GNB1L: variants seen among roughly 807,000 people sequenced by gnomAD.
The protein encoded by GNB1L is guanine nucleotide-binding protein subunit beta-like protein 1.
GNB1L carries 20 observed loss-of-function variants against 29.1 expected under a neutral mutation model. The ratio of observed to expected loss-of-function variants is 0.69; its 90% CI spans 0.48 to 1.00. The LOEUF is 1.00. GNB1L is among the 50% of genes least tolerant of loss of function. The pLI, the probability that GNB1L is intolerant of heterozygous loss-of-function variation, is 0.00. For synonymous variants in GNB1L, 193 were observed against 206.5 expected (o/e 0.93, Z 0.56); for missense variants, 421 against 464.9 (o/e 0.91, Z 0.87).
intron 2 of GNB1L, among the ~76,000 whole-genome samples, chr22:19,836,575 T>A (rs1937767864): frequency 6.6e-6 from 1 of 152,154 alleles, no homozygotes. Flanking sequence ...ACAAAGTTAG[T>A]AGAAAGAGAA....
At chr22:19,838,801 C>T (rs565286000) in intron 2 of GNB1L, among the ~76,000 whole-genome samples, 104 of 152,288 alleles carry the variant, frequency 6.8e-4, no homozygotes, top group African/African-American at 2.5e-3. Context: ...TGTTGCCCAA[C>T]AATTCTACTC....
chr22:19,845,581 T>C (rs1284771490), intron 2 of GNB1L, among the ~76,000 whole-genome samples: 3 of 152,048 alleles, frequency 2.0e-5, no homozygotes, highest in Admixed American at 6.5e-5. Flanking sequence ...CTGGGGGTGG[T>C]TCCTGAGGCC....
chr22:19,807,562 GCATGTTTTA>G (rs1481548395), intron 5 of GNB1L, among the ~76,000 whole-genome samples: 1 of 152,182 alleles, frequency 6.6e-6, no homozygotes, highest in African/African-American at 2.4e-5. Context: ...CCTTCCTGGT[GCATGTTTTA>G]CATAGGAACC....
Position 19,820,848 on chromosome 22 carries a change from C to G in GNB1L, c.129-125G>C, listed in dbSNP as rs1243966402. 4.3e-6 allele frequency: 5 copies of G among 1,167,566 alleles called. No individual in the cohort carries two copies. The Admixed American group carries it at 9.1e-5, about 21-fold the overall frequency. The allele number at this position is 1,167,566 out of a possible 1,614,324, so 72.3% of individuals were successfully genotyped here. A position where few individuals can be genotyped will look rare whatever the true frequency, so the allele number is the denominator to read the frequency against. On this transcript the variant is annotated intron_variant, in intron 3 of 7. Transcript: ENST00000329517. ...GCTGGTTGAGCTGAAAAGCCAACAG[C>G]TCTAAATATGAACTAAGGGCCAAAC...
At chr22:19,821,987 C>A (rs75458623) in intron 2 of GNB1L, among the ~76,000 whole-genome samples, 24 of 152,198 alleles carry the variant, frequency 1.6e-4, no homozygotes, top group African/African-American at 5.8e-4. Context: ...CTTCTCTCCT[C>A]CCTGCTGCCA....
chr22:19,849,002 G>C, intron 2 of GNB1L: 1 of 985,510 alleles, frequency 1.0e-6, no homozygotes, highest in Middle Eastern at 5.2e-4. Flanking sequence ...AGGCATCAGG[G>C]AGCAGTCTGA....
intron 7 of GNB1L, 93 bp downstream of exon 7, chr22:19,801,908 C>G: frequency 2.7e-6 from 3 of 1,097,930 alleles, no homozygotes; most frequent in Non-Finnish European, 3.9e-6. Context: ...CAGGGATCTG[C>G]AACAACTCCT....
intron 2 of GNB1L, among the ~76,000 whole-genome samples, chr22:19,825,043 G>A (rs1400968810): frequency 1.3e-5 from 2 of 152,210 alleles, no homozygotes; most frequent in African/African-American, 2.4e-5. Flanking sequence ...ACCCAGAGAG[G>A]CCACTGGCAC....
intron 2 of GNB1L, among the ~76,000 whole-genome samples, chr22:19,844,918 C>T (rs1016351045): frequency 6.6e-6 from 1 of 152,220 alleles, no homozygotes; most frequent in African/African-American, 2.4e-5. Flanking sequence ...GGCCAGCTGC[C>T]GATCCCATCA....
At chr22:19,822,752 T>C (rs939220671) in intron 2 of GNB1L, among the ~76,000 whole-genome samples, 1 of 152,168 alleles carries the variant, frequency 6.6e-6, no homozygotes, top group Non-Finnish European at 1.5e-5. Flanking sequence ...GGAAGGACTC[T>C]TCAGAAGGGG....
rs1054813179 is a variant in GNB1L at position 19,816,711 on chromosome 22, C to A, written c.254+3887G>T. Among the ~76,000 whole-genome samples the A allele has an allele frequency of 6.6e-6, 1 of 152,210 alleles. No individual in the cohort carries two copies. The highest frequency in any genetic ancestry group is 1.5e-5 in the Non-Finnish European group (1 of 68,032). On this transcript the variant is annotated intron_variant, in intron 4 of 7. Transcript: ENST00000329517. The surrounding 1 kb of genome is among the most constrained non-coding windows in gnomAD (Gnocchi z 4.4). ...CTTACATACACAAACCTCACACACA[C>A]AACACACAGGTTCTTTCTCACCTTC...
chr22:19,831,846 T>C (rs1937685166), intron 2 of GNB1L, among the ~76,000 whole-genome samples: 1 of 151,836 alleles, frequency 6.6e-6, no homozygotes, highest in Non-Finnish European at 1.5e-5. Context: ...AAGAGATGAA[T>C]AGACAATTCA....
intron 5 of GNB1L, 35 bp from the exon 6 acceptor site, chr22:19,806,792 G>T: frequency 7.1e-7 from 1 of 1,417,326 alleles, no homozygotes; most frequent in Non-Finnish European, 1.0e-6. Context: ...TTGGGCCGTC[G>T]CCAAGTCGAG....
intron 2 of GNB1L, among the ~76,000 whole-genome samples, chr22:19,844,933 G>A (rs1937928879): frequency 6.6e-6 from 1 of 152,262 alleles, no homozygotes; most frequent in Non-Finnish European, 1.5e-5. Context: ...CCATCAGGGA[G>A]AGACAACACT....
At chr22:19,808,517 C>T (rs968597290) in intron 5 of GNB1L, among the ~76,000 whole-genome samples, 4 of 152,194 alleles carry the variant, frequency 2.6e-5, no homozygotes, top group African/African-American at 9.7e-5. Context: ...GAGGGTAAAA[C>T]AGAGGTCTCT....
rs1238527928 is a variant in GNB1L at position 19,848,373 on chromosome 22, G to C, written c.-21+6070C>G. ...GTCTGCCAGTGTGTGGGGGCCAGAA[G>C]AGAAAAACAACCCAGGGGGAATGCC... On this transcript the variant is annotated intron_variant, in intron 2 of 7. Transcript: ENST00000329517. The C allele has an allele frequency of 5.1e-6, 5 of 985,462 alleles. 1 individual carries two copies. In the Middle Eastern group the frequency reaches 1.6e-3, roughly 309 times the overall value. 61.0% of individuals were successfully genotyped at this position (985,462 alleles called of 1,614,324 possible). A position where few individuals can be genotyped will look rare whatever the true frequency, so the allele number is the denominator to read the frequency against.
At chr22:19,828,466 G>A (rs1291662084) in intron 2 of GNB1L, among the ~76,000 whole-genome samples, 2 of 152,050 alleles carry the variant, frequency 1.3e-5, no homozygotes, top group Non-Finnish European at 2.9e-5. Flanking sequence ...ACCAGCCTGA[G>A]CAACATAGTC....
intron 2 of GNB1L, among the ~76,000 whole-genome samples, chr22:19,822,044 G>C (rs1051092787): frequency 9.2e-5 from 14 of 152,154 alleles, no homozygotes; most frequent in East Asian, 3.9e-4. Context: ...GAGGCACACA[G>C]GGTCCCGGGG....
At chr22:19,851,168 C>A in intron 2 of GNB1L, 2 of 1,587,962 alleles carry the variant, frequency 1.3e-6, no homozygotes, top group Non-Finnish European at 1.7e-6. Flanking sequence ...GGGCTGTGTT[C>A]AGAACCCAGG....
Sources: gnomAD v4.1 joint callset for allele counts (sites outside exome capture counted in the v4.1 genomes callset) on GRCh38, gnomAD v4.1.1 for gene constraint, Gnocchi (gnomAD v3.1) non-coding constraint, MANE v1.5 for transcripts, NCBI Gene and HGNC (gene_info 2026-07-23, HGNC 2026-07-21) for gene names.